Variants in HRH1 observed in about 807,000 individuals in gnomAD.
HRH1 encodes the protein histamine H1 receptor.
HRH1 carries 6 observed loss-of-function variants against 10.3 expected under a neutral mutation model. The ratio of observed to expected loss-of-function variants is 0.58; its 90% CI spans 0.32 to 1.15. The LOEUF is 1.15. Among genes scored for constraint, HRH1 ranks in the 50% most tolerant of loss-of-function variants. HRH1 has a pLI of 0.05. For missense variants in HRH1, 514 were observed against 615.3 expected (o/e 0.84, Z 1.74); for synonymous variants, 242 against 236.7 (o/e 1.02, Z -0.21).
At chr3:11,201,047 A>G (rs1339537822) in intron 1 of HRH1, among the ~76,000 whole-genome samples, 1 of 152,212 alleles carries the variant, frequency 6.6e-6, no homozygotes, top group African/African-American at 2.4e-5. Flanking sequence ...CCTGCCCTCA[A>G]AATGCTGTGT....
chr3:11,177,253 TTAAA>T (rs201560218), intron 1 of HRH1, among the ~76,000 whole-genome samples: 203 of 149,434 alleles, frequency 1.4e-3, no homozygotes, highest in African/African-American at 3.1e-3. Flanking sequence ...AATAAATAAA[TTAAA>T]TAAATAAATA....
At chr3:11,182,302 C>T (rs572534560) in intron 1 of HRH1, among the ~76,000 whole-genome samples, 12 of 152,286 alleles carry the variant, frequency 7.9e-5, no homozygotes, top group African/African-American at 2.9e-4. Context: ...CTTATATTTT[C>T]TGGATATTGC....
At chr3:11,185,749 T>A (rs2125019122) in intron 1 of HRH1, among the ~76,000 whole-genome samples, 1 of 152,314 alleles carries the variant, frequency 6.6e-6, no homozygotes, top group East Asian at 1.9e-4. Flanking sequence ...ATAGTGGTGA[T>A]GGTGTTTGTA....
intron 1 of HRH1, among the ~76,000 whole-genome samples, chr3:11,175,381 C>A (rs1388405611): frequency 1.3e-5 from 2 of 152,114 alleles, no homozygotes; most frequent in South Asian, 2.1e-4. Context: ...ACCATTAGGC[C>A]ATCCTGCCTA....
intron 1 of HRH1, among the ~76,000 whole-genome samples, chr3:11,235,635 T>C (rs1939161087): frequency 6.6e-6 from 1 of 152,222 alleles, no homozygotes; most frequent in Non-Finnish European, 1.5e-5. Context: ...CCTGACAGGA[T>C]GCAAGTCCCG....
rs767043272 is a variant in HRH1 at position 11,260,443 on chromosome 3, C to G, written c.1406C>G (p.Pro469Arg). The G allele has an allele frequency of 1.9e-6, 3 of 1,612,838 alleles. No individual in the cohort carries two copies. The African/African-American group carries it at 4.0e-5, about 22-fold the overall frequency. Reference sequence around the variant, plus strand: ...TCCACACTGAACCCCCTCATCTACCCCTTGTGCAATGAGAACTTCAAGAAG... The same window carrying G: ...TCCACACTGAACCCCCTCATCTACCGCTTGTGCAATGAGAACTTCAAGAAG... ...INSTLNPLIYPLCNENFKKTF... is the reference protein window; with the variant it reads ...INSTLNPLIYRLCNENFKKTF... Residue 469 changes from proline (P) to arginine (R), a missense_variant, in exon 2 of 2, where the codon CCC (proline) becomes CGC (arginine). Pro to Arg is a moderately radical substitution (Grantham distance 103). Coordinates refer to ENST00000431010, the MANE Select transcript of HRH1 (RefSeq NM_001098212.2).
intron 1 of HRH1, among the ~76,000 whole-genome samples, chr3:11,178,340 C>G (rs1438081873): frequency 6.6e-6 from 1 of 152,208 alleles, no homozygotes; most frequent in Admixed American, 6.5e-5. Context: ...AGGCTGGGGA[C>G]TTGATGGGCT....
At chr3:11,241,506 A>G (rs905113578) in intron 1 of HRH1, among the ~76,000 whole-genome samples, 10 of 152,076 alleles carry the variant, frequency 6.6e-5, no homozygotes, top group Middle Eastern at 3.4e-3. Context: ...AAACGCACCA[A>G]TCAGCACTCT....
chr3:11,239,671 G>T (rs1939283418), intron 1 of HRH1, among the ~76,000 whole-genome samples: 1 of 151,972 alleles, frequency 6.6e-6, no homozygotes, highest in African/African-American at 2.4e-5. Context: ...ATAAGGGAAA[G>T]GTCTAAATTC....
At chr3:11,183,482 C>T (rs2125018085) in intron 1 of HRH1, among the ~76,000 whole-genome samples, 1 of 152,268 alleles carries the variant, frequency 6.6e-6, no homozygotes, top group South Asian at 2.1e-4. Context: ...CTACAGTGCA[C>T]AGGGCAGCCC....
intron 1 of HRH1, among the ~76,000 whole-genome samples, chr3:11,184,624 A>C (rs1379700874): frequency 6.6e-6 from 1 of 152,196 alleles, no homozygotes; most frequent in Non-Finnish European, 1.5e-5. Context: ...GAAAAGAATC[A>C]GGCTAATCTT....
intron 1 of HRH1, among the ~76,000 whole-genome samples, chr3:11,176,430 C>T (rs1937250430): frequency 6.6e-6 from 1 of 152,092 alleles, no homozygotes. Flanking sequence ...GAAGGTGGTA[C>T]ACCCCGCCCC....
rs35710248 is a variant in HRH1, at chr3:11,181,627, C to CTTTTTTT, written c.-36+27089_-36+27095dup. Reference sequence around the variant, plus strand: ...GAAATATCTATTCAGATCCCTTGCTCTTTTTTTTTTTTTTTTTTTTTTGAG... The same window carrying CTTTTTTT: ...GAAATATCTATTCAGATCCCTTGCTCTTTTTTTTTTTTTTTTTTTTTTTTTTTTTGAG... On this transcript the variant is annotated intron_variant, in intron 1 of 1. Coordinates refer to ENST00000431010, the MANE Select transcript of HRH1 (RefSeq NM_001098212.2). Among the ~76,000 whole-genome samples, 18 of 113,164 alleles carry CTTTTTTT rather than the reference C, an allele frequency of 1.6e-4. 1 individual carries two copies. Among genetic ancestry groups the CTTTTTTT allele is most frequent in the African/African-American group, 3.1e-4 (8 of 25,982 alleles). The allele number at this position is 113,164 out of a possible 152,430, so 74.2% of individuals were successfully genotyped here.
At chr3:11,153,353 G>C (rs1266581708), upstream of HRH1, among the ~76,000 whole-genome samples, 1 of 152,012 alleles carries the variant, frequency 6.6e-6, no homozygotes, top group African/African-American at 2.4e-5. Flanking sequence ...TACCGACATG[G>C]GCCCTGAGGC....
At chr3:11,210,962 ATCAGT>A (rs1277977818) in intron 1 of HRH1, among the ~76,000 whole-genome samples, 3 of 152,172 alleles carry the variant, frequency 2.0e-5, no homozygotes, top group Non-Finnish European at 4.4e-5. Flanking sequence ...TTCAGCAACT[ATCAGT>A]TGAGTGCCTG....
chr3:11,212,597 C>T (rs1026155456), intron 1 of HRH1, among the ~76,000 whole-genome samples: 13 of 152,186 alleles, frequency 8.5e-5, no homozygotes, highest in African/African-American at 3.1e-4. Flanking sequence ...CCTAATTAGC[C>T]CTCCTTGTTA....
At chr3:11,181,971 A>G (rs577373885) in intron 1 of HRH1, among the ~76,000 whole-genome samples, 2 of 150,972 alleles carry the variant, frequency 1.3e-5, no homozygotes, top group South Asian at 4.2e-4. Flanking sequence ...TCCATTGTTC[A>G]TGCATAAAAA....
chr3:11,175,299 G>A (rs1267598457), intron 1 of HRH1, among the ~76,000 whole-genome samples: 3 of 152,198 alleles, frequency 2.0e-5, no homozygotes, highest in South Asian at 4.1e-4. Flanking sequence ...ACACCCCCAG[G>A]TCATTTAGCT....
At chr3:11,232,135 G>A (rs1411507273) in intron 1 of HRH1, among the ~76,000 whole-genome samples, 3 of 151,762 alleles carry the variant, frequency 2.0e-5, no homozygotes, top group South Asian at 2.1e-4. Flanking sequence ...ATACAGGTGC[G>A]TGCCACCGTG....
Sources: gnomAD v4.1 joint callset for allele counts (sites outside exome capture counted in the v4.1 genomes callset) on GRCh38, gnomAD v4.1.1 for gene constraint, MANE v1.5 for transcripts, NCBI Gene and HGNC (gene_info 2026-07-23, HGNC 2026-07-21) for gene names.